The following C19orf47 variants were observed in gnomAD, a reference collection of about 807,000 sequenced individuals.
The protein encoded by C19orf47 is uncharacterized protein C19orf47.
C19orf47 carries 18 observed loss-of-function variants against 32.3 expected under a neutral mutation model. The ratio of observed to expected loss-of-function variants is 0.56; its 90% CI spans 0.39 to 0.83. The LOEUF is 0.83. Among genes scored for constraint, C19orf47 ranks in the 40% least tolerant of loss-of-function variants. The pLI is 0.00. For synonymous variants in C19orf47, 202 were observed against 211.1 expected, an observed-to-expected ratio of 0.96 and a Z score of 0.37; for missense variants, 484 against 531.6, an observed-to-expected ratio of 0.91 and a Z score of 0.88.
chr19:40,302,791 C>G, the C19orf47 span, among the ~76,000 whole-genome samples: 1 of 152,190 alleles, frequency 6.6e-6, no homozygotes, highest in South Asian at 2.1e-4. Context: ...ACTCTCCAAA[C>G]TAACATTTCC....
intron 2 of C19orf47, among the ~76,000 whole-genome samples, chr19:40,338,277 AC>A (rs2078106710): frequency 6.7e-6 from 1 of 149,014 alleles, no homozygotes; most frequent in Non-Finnish European, 1.5e-5. Flanking sequence ...ACACACACAC[AC>A]ACACACACAC....
In C19orf47 at chr19:40,322,013, C is replaced by T. The variant is rs754519104; in HGVS notation, c.1027G>A (p.Glu343Lys). ...VTSTKSKSSA[E>K]VKVTIKRTLV... ...GTCCTCTTAATGGTGACCTTGACCT[C>T]GGCTGAGGACTTACTCTTGGTGCTG... The change falls in exon 9 of 9, where the codon GAG becomes AAG. Residue 343 changes from glutamate to lysine, a missense_variant. Transcript: ENST00000683109. 12 of 1,614,010 alleles carry T rather than the reference C, an allele frequency of 7.4e-6. No individual in the cohort carries two copies. In the African/African-American group the frequency reaches 9.3e-5, roughly 13 times the overall value.
rs2077718902 is a variant in C19orf47, at chr19:40,321,596, C to T, written c.*286G>A. 1 of 1,203,702 alleles carries T rather than the reference C, an allele frequency of 8.3e-7. No homozygotes were observed. The highest frequency in any genetic ancestry group is 1.0e-6 in the Non-Finnish European group (1 of 966,468). The allele number at this position is 1,203,702 out of a possible 1,614,324, so 74.6% of individuals were successfully genotyped here. A position where few individuals can be genotyped will look rare whatever the true frequency, so the allele number is the denominator to read the frequency against. ...TAGGAGAGGAAGAAGCCCCCTGGCA[C>T]TTGGGAGAGGTAGAAAAGTGGGTTC... On this transcript the variant is annotated 3_prime_UTR_variant, in exon 9 of 9. Coordinates refer to ENST00000683109, the MANE Select transcript of C19orf47 (RefSeq NM_001256441.2).
intron 5 of C19orf47, among the ~76,000 whole-genome samples, chr19:40,330,362 G>A (rs950067065): frequency 6.6e-6 from 1 of 151,602 alleles, no homozygotes; most frequent in African/African-American, 2.4e-5. Flanking sequence ...CCGAGTAGCT[G>A]GGACTACAGG....
intron 6 of C19orf47, among the ~76,000 whole-genome samples, chr19:40,327,106 T>C (rs1042928526): frequency 3.6e-4 from 54 of 149,630 alleles, no homozygotes; most frequent in African/African-American, 1.3e-3. Context: ...CTCTGCCTCC[T>C]AGGTTCAATC....
At chr19:40,328,286 G>T in intron 6 of C19orf47, 127 bp downstream of exon 6, 3 of 1,381,594 alleles carry the variant, frequency 2.2e-6, no homozygotes, top group Admixed American at 2.5e-5. Context: ...GGTGATTCAG[G>T]TTCAAATGTT....
intron 1 of C19orf47, among the ~76,000 whole-genome samples, chr19:40,346,527 G>C (rs1162018122): frequency 6.8e-6 from 1 of 146,874 alleles, no homozygotes; most frequent in African/African-American, 2.5e-5. Context: ...AAAAAAAAGA[G>C]GACCCTTTTT....
intron 5 of C19orf47, among the ~76,000 whole-genome samples, chr19:40,331,295 G>A (rs1380765514): frequency 3.3e-5 from 5 of 152,238 alleles, no homozygotes; most frequent in African/African-American, 1.2e-4. Context: ...AGGCTAGCCA[G>A]CTAGATAATT....
At chr19:40,326,884 G>A (rs965454823) in intron 6 of C19orf47, among the ~76,000 whole-genome samples, 1 of 152,158 alleles carries the variant, frequency 6.6e-6, no homozygotes, top group African/African-American at 2.4e-5. Flanking sequence ...CTTATGAGTG[G>A]TGGATTGTGC....
chr19:40,331,970 G>A (rs1453725636), intron 5 of C19orf47, among the ~76,000 whole-genome samples: 1 of 151,010 alleles, frequency 6.6e-6, no homozygotes, highest in African/African-American at 2.4e-5. Flanking sequence ...CCCAGGAGGT[G>A]GAGGTTGCAG....
chr19:40,303,403 G>A, the C19orf47 span, among the ~76,000 whole-genome samples: 1 of 149,582 alleles, frequency 6.7e-6, no homozygotes. Context: ...GGCACCTGTA[G>A]TCCCAGCTAC....
In C19orf47 at chr19:40,348,314, C is replaced by G. The variant is rs2078371875; in HGVS notation, c.-34+10G>C. ...CGGCCCAGTCCCACCACCCCCGGCC[C>G]GCGCCTCACCTGGCCCACCGGGCCC... is the stretch of plus-strand genomic sequence containing the variant. On this transcript the variant is annotated intron_variant, in intron 1 of 8. Transcript: ENST00000683109. 2 of 1,340,332 alleles carry G rather than the reference C, an allele frequency of 1.5e-6. No homozygotes were observed. Among genetic ancestry groups the G allele is most frequent in the Non-Finnish European group, 1.9e-6 (2 of 1,049,384 alleles). The allele number at this position is 1,340,332 out of a possible 1,614,324, so 83.0% of individuals were successfully genotyped here. A position where few individuals can be genotyped will look rare whatever the true frequency, so the allele number is the denominator to read the frequency against.
At chr19:40,344,570 A>C (rs1392227547) in intron 1 of C19orf47, among the ~76,000 whole-genome samples, 3 of 152,198 alleles carry the variant, frequency 2.0e-5, no homozygotes, top group Middle Eastern at 3.2e-3. Context: ...AACATCTCAC[A>C]AACCAAGCAC....
chr19:40,322,980 T>C (rs1220165667), intron 8 of C19orf47, among the ~76,000 whole-genome samples: 1 of 152,170 alleles, frequency 6.6e-6, no homozygotes, highest in African/African-American at 2.4e-5. Context: ...CAGAGGAACT[T>C]TCCCTGAGGC....
the C19orf47 span, among the ~76,000 whole-genome samples, chr19:40,294,517 T>C: frequency 6.6e-6 from 1 of 152,136 alleles, no homozygotes; most frequent in Non-Finnish European, 1.5e-5. Flanking sequence ...CTGTGTCTTT[T>C]GTGTTGTGTC....
the C19orf47 span, among the ~76,000 whole-genome samples, chr19:40,301,313 TTTTATTTATTTA>T: frequency 4.7e-4 from 66 of 140,294 alleles, no homozygotes; most frequent in African/African-American, 1.1e-3. Context: ...CTTGAGAGGC[TTTTATTTATTTA>T]TTTATTTATT....
In C19orf47 at chr19:40,341,902, G is replaced by A. The variant is rs571103518; in HGVS notation, c.-33-12C>T. ...CTGCTCCCTGGAGCCTGAAAGAGAA[G>A]AGAGGAGAGAGCCCATGAGCTGCTG... is the stretch of plus-strand genomic sequence containing the variant. On this transcript the variant is annotated splice_polypyrimidine_tract_variant and intron_variant, in intron 1 of 8. Coordinates refer to ENST00000683109, the MANE Select transcript of C19orf47 (RefSeq NM_001256441.2). The A allele has an allele frequency of 2.0e-4, 308 of 1,536,218 alleles. 1 individual carries two copies. In the Middle Eastern group the frequency reaches 2.8e-3, roughly 14 times the overall value.
At chr19:40,342,882 G>C (rs1175268335) in intron 1 of C19orf47, among the ~76,000 whole-genome samples, 1 of 152,168 alleles carries the variant, frequency 6.6e-6, no homozygotes, top group Non-Finnish European at 1.5e-5. Flanking sequence ...ACTGGGAGGA[G>C]ACAGGTCACA....
At chr19:40,303,803 GAAAAAAAAAAAAAAA>G in the C19orf47 span, among the ~76,000 whole-genome samples, 1 of 45,336 alleles carries the variant, frequency 2.2e-5, no homozygotes, top group Admixed American at 3.0e-4. Flanking sequence ...GACTTTGTCT[GAAAAAAAAAAAAAAA>G]AAAAAAAAAA....
Sources: allele counts gnomAD v4.1 joint callset (sites outside exome capture counted in the v4.1 genomes callset), GRCh38; gene constraint gnomAD v4.1.1; transcripts MANE v1.5; gene names NCBI Gene and HGNC (gene_info 2026-07-23, HGNC 2026-07-21).